MARCHF1: variants seen among roughly 807,000 people sequenced by gnomAD.
The protein encoded by MARCHF1 is membrane associated ring-CH-type finger 1.
Under a neutral mutation model 54.2 loss-of-function variants are expected in MARCHF1, and 40 were observed. The observed-to-expected ratio is 0.74, with a 90% CI of 0.57 to 0.96. The LOEUF (loss-of-function observed/expected upper bound fraction) is 0.96, where lower values mean the gene tolerates loss of function less well. Ranked by LOEUF, MARCHF1 falls within the 40% of genes least tolerant of loss-of-function variation. The probability of loss-of-function intolerance (pLI) is 0.00; values close to 1 mark genes in which losing one functional copy is unlikely to be tolerated. For synonymous variants in MARCHF1, 236 were observed against 236.3 expected (o/e 1.00, Z 0.01); for missense variants, 586 against 656.5 (o/e 0.89, Z 1.17).
intron 2 of MARCHF1, among the ~76,000 whole-genome samples, chr4:164,016,629 G>A (rs1266323514): frequency 6.6e-6 from 1 of 152,100 alleles, no homozygotes; most frequent in Non-Finnish European, 1.5e-5. Context: ...GAGATAAGGA[G>A]TACAATGATG....
At chr4:163,589,424 C>G (rs1740514349) in intron 7 of MARCHF1, among the ~76,000 whole-genome samples, 1 of 152,046 alleles carries the variant, frequency 6.6e-6, no homozygotes. Context: ...ATTCCCATTT[C>G]ACATGATTTA....
At chr4:163,907,497 C>T (rs1449561946) in intron 3 of MARCHF1, among the ~76,000 whole-genome samples, 1 of 152,080 alleles carries the variant, frequency 6.6e-6, no homozygotes, top group Non-Finnish European at 1.5e-5. Flanking sequence ...CCCATGTAAA[C>T]AAAGTAGCCA....
rs1396350387 is a variant in MARCHF1 at position 163,646,861 on chromosome 4, C to T, written c.163-33468G>A. On this transcript the variant is annotated intron_variant, in intron 5 of 9. Transcript: ENST00000514618. ...GAGGAAGAAAAGAACAAAAGATCCA[C>T]AAAACAATCTGAAAACAATTACTAA... is the stretch of plus-strand genomic sequence containing the variant. Among the ~76,000 whole-genome samples, 3 of 152,004 alleles carry T rather than the reference C, an allele frequency of 2.0e-5. No individual in the cohort carries two copies. In the East Asian group the frequency reaches 5.8e-4, roughly 29 times the overall value.
intron 1 of MARCHF1, among the ~76,000 whole-genome samples, chr4:164,315,231 C>CAAAAAAAAAAAAA (rs58264322): frequency 9.9e-6 from 1 of 100,680 alleles, no homozygotes; most frequent in Non-Finnish European, 2.1e-5. Flanking sequence ...GTTAATTTAA[C>CAAAAAAAAAAAAA]AAAAAAAAAA....
At chr4:163,822,687 A>G (rs1162739389) in intron 4 of MARCHF1, among the ~76,000 whole-genome samples, 2 of 151,924 alleles carry the variant, frequency 1.3e-5, no homozygotes, top group African/African-American at 4.8e-5. Flanking sequence ...AATAGGGGTC[A>G]GTGGGATATC....
intron 4 of MARCHF1, among the ~76,000 whole-genome samples, chr4:163,724,414 C>T (rs997468953): frequency 6.6e-6 from 1 of 152,228 alleles, no homozygotes; most frequent in Non-Finnish European, 1.5e-5. Flanking sequence ...TGTCAGTCTG[C>T]CCCTACTGGG....
At chr4:163,751,886 G>T (rs1212649290) in intron 4 of MARCHF1, among the ~76,000 whole-genome samples, 1 of 151,226 alleles carries the variant, frequency 6.6e-6, no homozygotes, top group Non-Finnish European at 1.5e-5. Flanking sequence ...AGACAAAGAA[G>T]AGTCAAGGCC....
intron 2 of MARCHF1, among the ~76,000 whole-genome samples, chr4:164,107,659 G>C (rs1264247423): frequency 2.0e-5 from 3 of 151,998 alleles, no homozygotes; most frequent in Middle Eastern, 3.2e-3. Flanking sequence ...CACCATGCCT[G>C]GCCTGAGATA....
At chr4:164,221,328 C>A (rs1732104580) in intron 1 of MARCHF1, among the ~76,000 whole-genome samples, 2 of 151,552 alleles carry the variant, frequency 1.3e-5, no homozygotes, top group Non-Finnish European at 2.9e-5. Context: ...ATAAACCAGA[C>A]ATTAAATAAG....
intron 5 of MARCHF1, among the ~76,000 whole-genome samples, chr4:163,663,186 G>T (rs1214606311): frequency 1.3e-5 from 2 of 151,074 alleles, no homozygotes; most frequent in African/African-American, 4.9e-5. Flanking sequence ...TTTTCCTAGT[G>T]GATGCTTACA....
At chr4:163,932,221 T>C (rs568314914) in intron 3 of MARCHF1, among the ~76,000 whole-genome samples, 1 of 152,342 alleles carries the variant, frequency 6.6e-6, no homozygotes, top group Non-Finnish European at 1.5e-5. Context: ...CTGACCATGA[T>C]GGTGTTTGCC....
At chr4:164,360,346 G>C (rs1730688463) in intron 1 of MARCHF1, among the ~76,000 whole-genome samples, 1 of 152,018 alleles carries the variant, frequency 6.6e-6, no homozygotes, top group Non-Finnish European at 1.5e-5. Context: ...GGAATTCTAG[G>C]TCTCCAAAAA....
intron 1 of MARCHF1, among the ~76,000 whole-genome samples, chr4:164,130,573 ACC>A (rs1304268109): frequency 6.6e-6 from 1 of 152,164 alleles, no homozygotes; most frequent in Admixed American, 6.6e-5. Context: ...ATAATAATAA[ACC>A]CTGCGCTAAA....
At chr4:164,298,739 T>G (rs549941488) in intron 1 of MARCHF1, among the ~76,000 whole-genome samples, 1 of 152,066 alleles carries the variant, frequency 6.6e-6, no homozygotes, top group East Asian at 1.9e-4. Context: ...AATGGCACTC[T>G]GGTTATTGGA....
chr4:163,585,031 T>C (rs1740362381), intron 8 of MARCHF1: 1 of 152,188 alleles, frequency 6.6e-6, no homozygotes, highest in Non-Finnish European at 1.5e-5. Context: ...TTGTATTGTT[T>C]ACAAGCTGTT....
chr4:164,187,321 A>G (rs1730996248), intron 1 of MARCHF1, among the ~76,000 whole-genome samples: 1 of 152,184 alleles, frequency 6.6e-6, no homozygotes, highest in Admixed American at 6.5e-5. Flanking sequence ...CCTCTGGATC[A>G]GAGGCAGATT....
chr4:163,703,155 T>C (rs1001113836), intron 4 of MARCHF1, among the ~76,000 whole-genome samples: 14 of 152,180 alleles, frequency 9.2e-5, no homozygotes, highest in African/African-American at 3.4e-4. Context: ...ATTTCCATTA[T>C]AATTCACAGG....
chr4:164,000,367 C>G (rs947642498), intron 2 of MARCHF1, among the ~76,000 whole-genome samples: 6 of 151,808 alleles, frequency 4.0e-5, no homozygotes, highest in Admixed American at 3.9e-4. Flanking sequence ...AAAGTCTTAA[C>G]AGATGGTAGT....
chr4:163,564,050 C>T (rs140353199), intron 8 of MARCHF1, among the ~76,000 whole-genome samples: 19 of 152,296 alleles, frequency 1.2e-4, no homozygotes, highest in Non-Finnish European at 2.1e-4. Flanking sequence ...TAACTACATA[C>T]GGGACCTGGA....
Sources: gnomAD v4.1 joint callset for allele counts (sites outside exome capture counted in the v4.1 genomes callset) on GRCh38, gnomAD v4.1.1 for gene constraint, MANE v1.5 for transcripts, NCBI Gene and HGNC (gene_info 2026-07-23, HGNC 2026-07-21) for gene names.